Variants in C2CD5 observed in about 807,000 individuals in gnomAD.
The protein encoded by C2CD5 is C2 domain-containing protein 5.
Under a neutral mutation model 130.3 loss-of-function variants are expected in C2CD5, and 109 were observed. The ratio of observed to expected loss-of-function variants is 0.84; its 90% CI spans 0.72 to 0.98. The LOEUF (loss-of-function observed/expected upper bound fraction) is 0.98. Among genes scored for constraint, C2CD5 ranks in the 50% least tolerant of loss-of-function variants. The pLI is 0.00. For synonymous variants in C2CD5, 454 were observed against 429.2 expected (o/e 1.06, Z -0.71); for missense variants, 996 against 1,261.8 (o/e 0.79, Z 3.19).
intron 13 of C2CD5, chr12:22,484,438 G>T (rs972109048): frequency 2.9e-6 from 1 of 340,810 alleles, no homozygotes; most frequent in Non-Finnish European, 5.2e-6. Context: ...CCTAGCCTTT[G>T]GCAGGTTAAT....
intron 23 of C2CD5, among the ~76,000 whole-genome samples, chr12:22,459,255 A>C (rs1376414693): frequency 1.3e-5 from 2 of 152,116 alleles, no homozygotes; most frequent in African/African-American, 4.8e-5. Context: ...AAAAAATTTT[A>C]AGGAGCTAAA....
chr12:22,503,726 G>A (rs7135446), intron 10 of C2CD5, among the ~76,000 whole-genome samples: 24,192 of 152,028 alleles, frequency 0.16, 3,835 homozygotes, highest in African/African-American at 0.41. Flanking sequence ...TGCCCAGGCC[G>A]GTCTCAAACC....
chr12:22,468,186 G>T (rs1218018352), intron 22 of C2CD5, among the ~76,000 whole-genome samples: 1 of 147,630 alleles, frequency 6.8e-6, no homozygotes, highest in East Asian at 2.0e-4. Context: ...AGATGTTAAA[G>T]AAAAAAAAAC....
At chr12:22,455,488 G>GT (rs1362844241) in intron 25 of C2CD5, among the ~76,000 whole-genome samples, 1 of 152,114 alleles carries the variant, frequency 6.6e-6, no homozygotes, top group African/African-American at 2.4e-5. Flanking sequence ...TCAAAATAGT[G>GT]TAATATCCAT....
Position 22,506,761 on chromosome 12 carries a change from C to T in C2CD5, c.1097G>A (p.Gly366Asp), listed in dbSNP as rs757065645. 2 of 1,612,474 alleles carry T rather than the reference C, an allele frequency of 1.2e-6. No individual in the cohort carries two copies. Among genetic ancestry groups the T allele is most frequent in the South Asian group, 1.1e-5 (1 of 91,036 alleles). ...FPPGFLVHVG[G>D]VVSARSVKLL... The stretch of plus-strand genomic sequence containing the variant: ...CTTCACAGAACGTGCACTAACTACA[C>T]CCCCAACGTGTACAAGGAATCCAGG... The change falls in exon 10 of 27, where the codon GGT becomes GAT. Residue 366 changes from glycine to aspartate, a missense_variant. This residue lies in a region of C2CD5 where 156 missense variants were observed against 165.9 expected (regional missense o/e 0.94). Coordinates refer to ENST00000446597, the MANE Select transcript of C2CD5 (RefSeq NM_001286176.2).
intron 24 of C2CD5, 42 bp from the exon 25 acceptor site, chr12:22,457,203 T>G (rs1258119621): frequency 2.9e-6 from 4 of 1,379,334 alleles, no homozygotes; most frequent in Non-Finnish European, 4.0e-6. Flanking sequence ...GAACAGACGC[T>G]GGTAACACAA....
chr12:22,525,644 A>G lies in C2CD5; in HGVS notation c.411T>C (p.Phe137=), dbSNP rs755383371. The G allele has an allele frequency of 1.3e-6, 2 of 1,585,134 alleles. No individual in the cohort carries two copies. The highest frequency in any genetic ancestry group is 1.7e-6 in the Non-Finnish European group (2 of 1,154,070). The change falls in exon 5 of 27, where the codon TTT becomes TTC. Residue 137 remains phenylalanine (F), a synonymous_variant. Transcript: ENST00000446597. ...KVDLFNDLNR[F]RQSSCGVKFF... is the part of the protein sequence containing the mutation. ...ATTTGACTCCACATGATGACTGCCTAAATCGATTTAAATCATTGAAGAGGT... is the reference window on the plus strand; with the variant it reads ...ATTTGACTCCACATGATGACTGCCTGAATCGATTTAAATCATTGAAGAGGT...
Position 22,518,032 on chromosome 12 carries a change from T to C in C2CD5, c.906A>G (p.Arg302=). 6.2e-7 allele frequency: 1 copy of C among 1,614,014 alleles called. No individual in the cohort carries two copies. Among genetic ancestry groups the C allele is most frequent in the Non-Finnish European group, 8.5e-7 (1 of 1,179,918 alleles). The change falls in exon 8 of 27, where the codon CGA becomes CGG. Residue 302 remains arginine, a synonymous_variant. Transcript: ENST00000446597. ...AATCTGTGTCAGAAGAAGAGGACTG[T>C]CGACTGTAGGACTTGGAAGGTGAAA... is the stretch of plus-strand genomic sequence containing the variant. ...YSFSPSKSYS[R]QSSSSDTDLS...
chr12:22,529,186 A>C (rs1246752071), intron 3 of C2CD5, among the ~76,000 whole-genome samples: 3 of 152,192 alleles, frequency 2.0e-5, no homozygotes, highest in African/African-American at 7.2e-5. Flanking sequence ...GCATGCTTGA[A>C]ATTTTCCATA....
Position 22,525,674 on chromosome 12 carries a change from T to C in C2CD5, c.381A>G (p.Lys127=). The C allele has an allele frequency of 6.3e-7, 1 of 1,585,954 alleles. No homozygotes were observed. The highest frequency in any genetic ancestry group is 8.7e-7 in the Non-Finnish European group (1 of 1,154,874). The change falls in exon 5 of 27, where the codon AAA becomes AAG. Residue 127 remains lysine (K), a synonymous_variant. Coordinates refer to ENST00000446597, the MANE Select transcript of C2CD5 (RefSeq NM_001286176.2). ...GATTTAAATCATTGAAGAGGTCTAC[T>C]TTGACAACTACATTGATTTCCCCAC... The part of the protein sequence containing the change: ...GIRGEINVVV[K]VDLFNDLNRF...
At position 22,501,343 on chromosome 12, in the gene C2CD5, A is replaced by G. The variant is rs951677240; in HGVS notation, c.1147+5368T>C. Among the ~76,000 whole-genome samples, 4 of 152,094 alleles carry G rather than the reference A, an allele frequency of 2.6e-5. No homozygotes were observed. The East Asian group carries it at 5.8e-4, about 22-fold the overall frequency. On this transcript the variant is annotated intron_variant, in intron 10 of 26. Coordinates refer to ENST00000446597, the MANE Select transcript of C2CD5 (RefSeq NM_001286176.2). ...GTGGGACAACGTCCTTACTATGTCT[A>G]TAAGATTTAATTACTGCCATTTCCA...
chr12:22,510,356 G>A (rs1325504719), intron 9 of C2CD5, among the ~76,000 whole-genome samples: 1 of 152,152 alleles, frequency 6.6e-6, no homozygotes, highest in Non-Finnish European at 1.5e-5. Flanking sequence ...CCTAGATAAA[G>A]TTACATGCTG....
intron 10 of C2CD5, among the ~76,000 whole-genome samples, chr12:22,506,386 GAACT>G (rs758964599): frequency 3.3e-5 from 5 of 152,064 alleles, no homozygotes; most frequent in African/African-American, 4.8e-5. Flanking sequence ...CTAATGAAAA[GAACT>G]AACATCTTAA....
chr12:22,453,524 T>C (rs898226113), intron 26 of C2CD5, among the ~76,000 whole-genome samples: 1 of 152,174 alleles, frequency 6.6e-6, no homozygotes, highest in African/African-American at 2.4e-5. Flanking sequence ...TACTATGATA[T>C]ACTCTTCATT....
intron 12 of C2CD5, 34 bp from the exon 13 acceptor site, chr12:22,484,922 T>A: frequency 9.1e-7 from 1 of 1,102,588 alleles, no homozygotes; most frequent in Non-Finnish European, 1.2e-6. Context: ...AGATATTCTT[T>A]AAAAATGTAC....
At chr12:22,463,517 C>T (rs1189224848) in intron 22 of C2CD5, 4 of 152,228 alleles carry the variant, frequency 2.6e-5, no homozygotes, top group African/African-American at 4.8e-5. Flanking sequence ...CCCTTCTGCC[C>T]TGTGATAACA....
rs1036437826 is a variant in C2CD5, at chr12:22,544,453, C to T, written c.-163G>A. ...GGGACGAAAAGCAAAACCCAGTCAG[C>T]ATCCCGTTGAGCCTCTGCCGCCCCT... On this transcript the variant is annotated 5_prime_UTR_variant, in exon 1 of 27. An upstream start codon of the reference 5' UTR is lost. Transcript: ENST00000446597. The T allele has an allele frequency of 1.4e-4, 37 of 261,424 alleles. No individual in the cohort carries two copies. The highest frequency in any genetic ancestry group is 5.9e-4 in the African/African-American group (26 of 44,030). The allele number at this position is 261,424 out of a possible 1,614,324, so 16.2% of individuals were successfully genotyped here.
At chr12:22,469,831 GATCT>G (rs760469891) in intron 21 of C2CD5, 36 bp from the exon 22 acceptor site, 21 of 1,248,334 alleles carry the variant, frequency 1.7e-5, no homozygotes, top group African/African-American at 3.2e-5. Flanking sequence ...ATTTAGTAAT[GATCT>G]ATTATTAATT....
At chr12:22,536,143 CAA>C (rs10645576) in intron 2 of C2CD5, among the ~76,000 whole-genome samples, 1 of 127,274 alleles carries the variant, frequency 7.9e-6, no homozygotes, top group Non-Finnish European at 1.7e-5. Flanking sequence ...TTCTTCAGCA[CAA>C]AAAAAAAAAA....
Sources: gnomAD v4.1 joint callset for allele counts (sites outside exome capture counted in the v4.1 genomes callset) on GRCh38, gnomAD v4.1.1 for gene constraint, gnomAD v4.1.1 regional missense constraint, MANE v1.5 for transcripts, NCBI Gene and HGNC (gene_info 2026-07-23, HGNC 2026-07-21) for gene names.